The following AUTS2 variants were observed in gnomAD, a reference collection of about 807,000 sequenced individuals.
AUTS2 encodes autism susceptibility gene 2 protein.
AUTS2 carries 17 observed loss-of-function variants against 112.4 expected under a neutral mutation model. The ratio of observed to expected loss-of-function variants is 0.15; its 90% CI spans 0.10 to 0.23. AUTS2 has a LOEUF of 0.23. AUTS2 is among the 10% of genes least tolerant of loss of function. The pLI, the probability that AUTS2 is intolerant of heterozygous loss-of-function variation, is 1.00. For missense variants in AUTS2, 1,510 were observed against 1,701.6 expected (o/e 0.89, Z 1.98); for synonymous variants, 751 against 702.7 (o/e 1.07, Z -1.09).
chr7:70,344,952 C>T (rs571328330), intron 4 of AUTS2, among the ~76,000 whole-genome samples: 16 of 152,324 alleles, frequency 1.1e-4, no homozygotes, highest in African/African-American at 3.4e-4. Flanking sequence ...TATGCTATTA[C>T]TTGTCTCAGA....
chr7:69,709,453 A>G (rs896346305), intron 1 of AUTS2, among the ~76,000 whole-genome samples: 1 of 152,154 alleles, frequency 6.6e-6, no homozygotes, highest in African/African-American at 2.4e-5. Context: ...TTTTCACTTC[A>G]TAGTGTTTCT....
intron 1 of AUTS2, among the ~76,000 whole-genome samples, chr7:69,820,691 G>T (rs957020247): frequency 6.6e-6 from 1 of 152,204 alleles, no homozygotes; most frequent in Non-Finnish European, 1.5e-5. Context: ...GGCAGTGTTT[G>T]CTGGGGAGAG....
chr7:69,676,990 C>T, intron 1 of AUTS2, among the ~76,000 whole-genome samples: 1 of 151,910 alleles, frequency 6.6e-6, no homozygotes, highest in East Asian at 1.9e-4. Context: ...ATTTTGGTGC[C>T]TGTTTATGGA....
chr7:70,594,672 C>T (rs1489784780), intron 5 of AUTS2, among the ~76,000 whole-genome samples: 1 of 152,166 alleles, frequency 6.6e-6, no homozygotes, highest in Non-Finnish European at 1.5e-5. Flanking sequence ...TTGATAGTTT[C>T]CTCCATTTGT....
intron 5 of AUTS2, among the ~76,000 whole-genome samples, chr7:70,530,392 TC>T (rs1800034049): frequency 6.6e-6 from 1 of 152,120 alleles, no homozygotes; most frequent in African/African-American, 2.4e-5. Flanking sequence ...GTTCTGGCCA[TC>T]CCAAACTAAT....
chr7:70,243,261 G>A (rs914064153), intron 4 of AUTS2, among the ~76,000 whole-genome samples: 9 of 151,078 alleles, frequency 6.0e-5, no homozygotes, highest in Admixed American at 2.7e-4. Context: ...GTGTGTGTGT[G>A]TGTGTGTGTG....
intron 18 of AUTS2, 91 bp from the exon 19 acceptor site, chr7:70,789,657 C>A: frequency 1.4e-6 from 2 of 1,476,776 alleles, no homozygotes; most frequent in Non-Finnish European, 1.8e-6. Flanking sequence ...AGCCTGTCCT[C>A]TTCACACCAC....
rs7794753 is a variant in AUTS2, at chr7:70,731,304, G to A, written c.743-31566G>A. Among the ~76,000 whole-genome samples the A allele has an allele frequency of 1.5e-3, 230 of 150,282 alleles. 1 individual carries two copies. The highest frequency in any genetic ancestry group is 0.01 in the South Asian group (49 of 4,756). On this transcript the variant is annotated intron_variant, in intron 6 of 18. Transcript: ENST00000342771. ...TTAGTGAGTATTCATTCCAAATGAC[G>A]GTCAAGAAGATACTATTTTTTTTTT...
chr7:70,263,457 A>T (rs1200282306), intron 4 of AUTS2, among the ~76,000 whole-genome samples: 3 of 152,206 alleles, frequency 2.0e-5, no homozygotes, highest in Non-Finnish European at 4.4e-5. Flanking sequence ...AGTTTACATA[A>T]ACTTAATCTT....
At chr7:69,608,316 C>T (rs919921258) in intron 1 of AUTS2, among the ~76,000 whole-genome samples, 2 of 152,198 alleles carry the variant, frequency 1.3e-5, no homozygotes, top group South Asian at 2.1e-4. Context: ...GTTGTGATGA[C>T]GCCTGAGGGA....
intron 5 of AUTS2, among the ~76,000 whole-genome samples, chr7:70,585,290 G>C (rs986303158): frequency 8.5e-5 from 13 of 152,168 alleles, no homozygotes; most frequent in Admixed American, 6.5e-4. Flanking sequence ...AGTCCTCTGG[G>C]GGGTGCTGTG....
chr7:70,363,546 GAATT>G (rs1316778382), intron 4 of AUTS2, among the ~76,000 whole-genome samples: 9 of 149,124 alleles, frequency 6.0e-5, no homozygotes, highest in Middle Eastern at 3.2e-3. Flanking sequence ...TTCTTAGAAA[GAATT>G]ATTTATTTAA....
intron 1 of AUTS2, among the ~76,000 whole-genome samples, chr7:69,747,089 T>C (rs947624534): frequency 1.3e-5 from 2 of 152,228 alleles, no homozygotes; most frequent in Non-Finnish European, 2.9e-5. Flanking sequence ...GGTGATTTGA[T>C]GCCTCTTTAA....
chr7:70,113,696 A>G, intron 2 of AUTS2, among the ~76,000 whole-genome samples: 1 of 152,218 alleles, frequency 6.6e-6, no homozygotes, highest in East Asian at 1.9e-4. Context: ...CTCAAATTCC[A>G]GGCATAGATA....
At chr7:70,461,411 C>G (rs1202547271) in intron 5 of AUTS2, among the ~76,000 whole-genome samples, 2 of 152,136 alleles carry the variant, frequency 1.3e-5, no homozygotes, top group African/African-American at 4.8e-5. Context: ...TTATGTACCA[C>G]TGTGAGCTTG....
intron 5 of AUTS2, among the ~76,000 whole-genome samples, chr7:70,518,979 C>A (rs1041695381): frequency 6.6e-6 from 1 of 152,106 alleles, no homozygotes; most frequent in African/African-American, 2.4e-5. Context: ...GCCGGGATTA[C>A]AGGCATGAGC....
At chr7:69,786,778 A>G (rs1789397745) in intron 1 of AUTS2, among the ~76,000 whole-genome samples, 1 of 152,202 alleles carries the variant, frequency 6.6e-6, no homozygotes, top group Non-Finnish European at 1.5e-5. Context: ...TTTAAACTGC[A>G]TATCTTAATC....
chr7:70,124,015 T>C (rs1337739408), intron 3 of AUTS2, among the ~76,000 whole-genome samples: 2 of 152,178 alleles, frequency 1.3e-5, no homozygotes, highest in Non-Finnish European at 1.5e-5. Context: ...GCATCTGTTG[T>C]TTTTTGACAT....
chr7:70,664,763 T>G (rs150538916), intron 5 of AUTS2, among the ~76,000 whole-genome samples: 206 of 152,184 alleles, frequency 1.4e-3, no homozygotes, highest in African/African-American at 4.7e-3. Flanking sequence ...AAGGACACAT[T>G]GAACTCCTTG....
Sources: gnomAD v4.1 joint callset for allele counts (sites outside exome capture counted in the v4.1 genomes callset) on GRCh38, gnomAD v4.1.1 for gene constraint, MANE v1.5 for transcripts, NCBI Gene and HGNC (gene_info 2026-07-23, HGNC 2026-07-21) for gene names.